Variants in FOXP1 observed in about 807,000 individuals in gnomAD.
FOXP1 encodes the protein forkhead box protein P1.
Under a neutral mutation model 98.2 loss-of-function variants are expected in FOXP1, and 15 were observed. That is an observed-to-expected ratio of 0.15 (90% CI 0.10 to 0.24). FOXP1 has a LOEUF of 0.24. Among genes scored for constraint, FOXP1 ranks in the 10% least tolerant of loss-of-function variants. The pLI, the probability that FOXP1 is intolerant of heterozygous loss-of-function variation, is 1.00. For synonymous variants in FOXP1, 371 were observed against 314.5 expected, an observed-to-expected ratio of 1.18 and a Z score of -1.90; for missense variants, 633 against 848.5, an observed-to-expected ratio of 0.75 and a Z score of 3.15.
intron 2 of FOXP1, among the ~76,000 whole-genome samples, chr3:71,536,437 A>G (rs1041001247): frequency 6.6e-6 from 1 of 152,118 alleles, no homozygotes; most frequent in South Asian, 2.1e-4. Flanking sequence ...TTTGCACAGA[A>G]TCGGAATTTT....
intron 5 of FOXP1, among the ~76,000 whole-genome samples, chr3:71,220,929 TC>T (rs5850002): frequency 0.82 from 119,801 of 145,856 alleles, 48,551 homozygotes; most frequent in East Asian, 0.93. Context: ...CTTTTTTTTT[TC>T]TTTTAAAGAA....
At chr3:70,977,514 TA>T in intron 16 of FOXP1, 128 bp downstream of exon 16, 1 of 759,780 alleles carries the variant, frequency 1.3e-6, no homozygotes. Context: ...ATTGCAGTTT[TA>T]AAAAACCTTA....
chr3:71,486,172 T>C (rs999725464), intron 3 of FOXP1, among the ~76,000 whole-genome samples: 13 of 152,190 alleles, frequency 8.5e-5, no homozygotes, highest in Admixed American at 5.9e-4. Flanking sequence ...AGGTGACTTA[T>C]GCACTAACCT....
chr3:71,090,724 G>C (rs932598280), intron 7 of FOXP1, among the ~76,000 whole-genome samples: 4 of 152,130 alleles, frequency 2.6e-5, no homozygotes, highest in Non-Finnish European at 5.9e-5. Flanking sequence ...CTTCTCAGCA[G>C]TTGCACTGCC....
intron 6 of FOXP1, among the ~76,000 whole-genome samples, chr3:71,163,179 C>T (rs954793192): frequency 4.6e-5 from 7 of 152,232 alleles, no homozygotes; most frequent in African/African-American, 1.4e-4. Context: ...ATCTTTTTTT[C>T]CAGGCACATC....
intron 4 of FOXP1, among the ~76,000 whole-genome samples, chr3:71,351,618 T>G (rs1371552279): frequency 6.6e-6 from 1 of 152,170 alleles, no homozygotes; most frequent in Non-Finnish European, 1.5e-5. Context: ...GTACCCCAGA[T>G]TCACCCTGGT....
At chr3:71,330,390 A>T (rs982942593) in intron 4 of FOXP1, among the ~76,000 whole-genome samples, 1 of 152,216 alleles carries the variant, frequency 6.6e-6, no homozygotes, top group African/African-American at 2.4e-5. Context: ...TCATATAATT[A>T]AAGCGTCATG....
At chr3:70,966,386 A>G (rs545787262) in intron 19 of FOXP1, 67 of 362,628 alleles carry the variant, frequency 1.8e-4, no homozygotes, top group Admixed American at 5.6e-4. Context: ...GAGGAGCTGA[A>G]TATTTCCAGA....
intron 2 of FOXP1, among the ~76,000 whole-genome samples, chr3:71,539,654 G>T (rs555501597): frequency 1.3e-5 from 2 of 152,112 alleles, no homozygotes; most frequent in Non-Finnish European, 2.9e-5. Context: ...CTTCTTTCAA[G>T]AATATTTTGT....
intron 11 of FOXP1, among the ~76,000 whole-genome samples, chr3:71,021,537 T>C (rs1221328082): frequency 6.6e-6 from 1 of 152,204 alleles, no homozygotes; most frequent in Non-Finnish European, 1.5e-5. Flanking sequence ...TGTTTTCAAT[T>C]TTAGGGGATA....
chr3:71,219,582 C>G (rs2065201529), intron 5 of FOXP1, among the ~76,000 whole-genome samples: 1 of 151,922 alleles, frequency 6.6e-6, no homozygotes, highest in African/African-American at 2.4e-5. Context: ...ATTTTAATGT[C>G]TGAATTGAGA....
chr3:71,182,401 G>A (rs2062365815), intron 6 of FOXP1, among the ~76,000 whole-genome samples: 2 of 151,970 alleles, frequency 1.3e-5, no homozygotes, highest in South Asian at 4.1e-4. Flanking sequence ...CCAACAGTGT[G>A]AATGTGAATT....
At chr3:71,408,014 AAG>A (rs774824275) in intron 3 of FOXP1, among the ~76,000 whole-genome samples, 51 of 152,228 alleles carry the variant, frequency 3.4e-4, no homozygotes, top group Non-Finnish European at 6.2e-4. Context: ...CTCGTCAGGA[AAG>A]AGAGCAGTCA....
intron 3 of FOXP1, among the ~76,000 whole-genome samples, chr3:71,424,845 C>G (rs537358724): frequency 6.6e-6 from 1 of 152,282 alleles, no homozygotes; most frequent in South Asian, 2.1e-4. Context: ...TTGGAGAAGC[C>G]AAACACTTTC....
rs369074999 is a variant in FOXP1, at chr3:70,958,631, G to GAAA, written c.*613_*615dup. 295 of 98,906 alleles carry GAAA rather than the reference G, an allele frequency of 3.0e-3. 3 individuals carry two copies. Among genetic ancestry groups the GAAA allele is most frequent in the African/African-American group, 0.013 (268 of 20,808 alleles). The allele number at this position is 98,906 out of a possible 1,614,324, so 6.1% of individuals were successfully genotyped here. A position where few individuals can be genotyped will look rare whatever the true frequency, so the allele number is the denominator to read the frequency against. ...AGAACTTAAAATGGTATAGTAGAAG[G>GAAA]AAAAAAAAAAAAAAAAAAAGCAATA... On this transcript the variant is annotated 3_prime_UTR_variant, in exon 21 of 21. Coordinates refer to ENST00000649528, the MANE Select transcript of FOXP1 (RefSeq NM_001349338.3).
intron 11 of FOXP1, among the ~76,000 whole-genome samples, chr3:71,021,769 G>A (rs1238650044): frequency 6.6e-6 from 1 of 152,160 alleles, no homozygotes; most frequent in Non-Finnish European, 1.5e-5. Context: ...TTTCCCTAAT[G>A]ATTAATGAGG....
At chr3:71,137,051 C>A (rs2059852118) in intron 6 of FOXP1, among the ~76,000 whole-genome samples, 1 of 152,120 alleles carries the variant, frequency 6.6e-6, no homozygotes. Context: ...AGGATGAGGG[C>A]AATTTATCCT....
chr3:71,379,770 G>C (rs532117886), intron 3 of FOXP1, among the ~76,000 whole-genome samples: 1 of 152,300 alleles, frequency 6.6e-6, no homozygotes, highest in Non-Finnish European at 1.5e-5. Context: ...GGAACTGAGT[G>C]GTTGCAACAA....
chr3:71,499,389 G>A (rs2041161142), intron 2 of FOXP1, among the ~76,000 whole-genome samples: 3 of 152,124 alleles, frequency 2.0e-5, no homozygotes, highest in African/African-American at 7.2e-5. Flanking sequence ...ATGCTAAATG[G>A]CAATTTTATA....
Sources: allele counts gnomAD v4.1 joint callset (sites outside exome capture counted in the v4.1 genomes callset), GRCh38; gene constraint gnomAD v4.1.1; transcripts MANE v1.5; gene names NCBI Gene and HGNC (gene_info 2026-07-23, HGNC 2026-07-21).